Variants in MAGI2 observed in about 807,000 individuals in gnomAD.
MAGI2 encodes the protein membrane-associated guanylate kinase, WW and PDZ domain-containing protein 2.
In MAGI2, 35 loss-of-function variants were observed where a neutral mutation model predicts 133.3. That is an observed-to-expected ratio of 0.26 (90% confidence interval 0.20 to 0.35). The LOEUF (loss-of-function observed/expected upper bound fraction) is 0.35. Among genes scored for constraint, MAGI2 ranks in the 10% least tolerant of loss-of-function variants. The pLI is 1.00. For missense variants in MAGI2, 1,636 were observed against 1,863.4 expected, an observed-to-expected ratio of 0.88 and a Z score of 2.25; for synonymous variants, 729 against 710.6, an observed-to-expected ratio of 1.03 and a Z score of -0.41.
At chr7:78,734,952 T>C (rs1232662534) in intron 2 of MAGI2, among the ~76,000 whole-genome samples, 1 of 152,158 alleles carries the variant, frequency 6.6e-6, no homozygotes, top group Non-Finnish European at 1.5e-5. Context: ...TTTTTGTGAT[T>C]GTCTGTTACA....
chr7:78,513,126 T>A (rs532818103), intron 4 of MAGI2, among the ~76,000 whole-genome samples: 1 of 151,520 alleles, frequency 6.6e-6, no homozygotes, highest in Admixed American at 6.6e-5. Context: ...TGCCTTCAAT[T>A]TTTTTTTTAA....
intron 3 of MAGI2, among the ~76,000 whole-genome samples, chr7:78,599,606 C>T (rs887271087): frequency 1.1e-4 from 17 of 152,158 alleles, no homozygotes; most frequent in African/African-American, 4.1e-4. Flanking sequence ...GTATCTCTTT[C>T]ACTCTACTCT....
intron 2 of MAGI2, among the ~76,000 whole-genome samples, chr7:78,648,437 A>T (rs538865402): frequency 6.6e-6 from 1 of 152,348 alleles, no homozygotes; most frequent in African/African-American, 2.4e-5. Flanking sequence ...CCAAAGATAC[A>T]ACAGCTGAAA....
intron 1 of MAGI2, among the ~76,000 whole-genome samples, chr7:79,435,825 A>G (rs1011847774): frequency 9.2e-5 from 14 of 152,192 alleles, no homozygotes; most frequent in Non-Finnish European, 1.5e-4. Context: ...AGCCAAAAGA[A>G]CAAAGCCAGA....
rs189312979 is a variant in MAGI2, at chr7:78,836,290, G to C, written c.418+170800C>G. Among the ~76,000 whole-genome samples the C allele has an allele frequency of 2.9e-4, 44 of 152,226 alleles. No homozygotes were observed. The East Asian group carries it at 7.5e-3, about 26-fold the overall frequency. ...AGGAGACAAGGTAGTTCAAAAAGTT[G>C]GACTTGAACTGGGTTTTTAAACTCT... On this transcript the variant is annotated intron_variant, in intron 2 of 21. Coordinates refer to ENST00000354212, the MANE Select transcript of MAGI2 (RefSeq NM_012301.4).
chr7:78,934,683 G>C (rs1344602022), intron 2 of MAGI2, among the ~76,000 whole-genome samples: 1 of 152,062 alleles, frequency 6.6e-6, no homozygotes, highest in Non-Finnish European at 1.5e-5. Context: ...TGAATTTTGT[G>C]TTTAGATTTG....
chr7:79,138,399 A>G (rs141792761), intron 1 of MAGI2, among the ~76,000 whole-genome samples: 1 of 152,288 alleles, frequency 6.6e-6, no homozygotes, highest in East Asian at 1.9e-4. Context: ...TAACTACCCA[A>G]TGTTCCAGTC....
chr7:78,820,432 C>T (rs1028987477), intron 2 of MAGI2, among the ~76,000 whole-genome samples: 1 of 151,732 alleles, frequency 6.6e-6, no homozygotes, highest in Admixed American at 6.6e-5. Context: ...AACGGAGAGA[C>T]ATAGTCATAA....
intron 2 of MAGI2, among the ~76,000 whole-genome samples, chr7:78,919,437 T>C (rs1799060173): frequency 6.6e-6 from 1 of 152,124 alleles, no homozygotes; most frequent in African/African-American, 2.4e-5. Flanking sequence ...ATACAATGCT[T>C]TGCTATCAAT....
chr7:78,606,382 G>A (rs995036550), intron 3 of MAGI2, among the ~76,000 whole-genome samples: 1 of 151,976 alleles, frequency 6.6e-6, no homozygotes, highest in Non-Finnish European at 1.5e-5. Flanking sequence ...GCATATGATG[G>A]CCTACTTTTG....
At chr7:79,398,594 G>A (rs1251574140) in intron 1 of MAGI2, among the ~76,000 whole-genome samples, 3 of 152,164 alleles carry the variant, frequency 2.0e-5, no homozygotes, top group African/African-American at 7.2e-5. Context: ...ATTTGGACAG[G>A]AAGTTGTTTT....
chr7:78,220,453 C>T (rs182188872), intron 10 of MAGI2, among the ~76,000 whole-genome samples: 15 of 152,288 alleles, frequency 9.8e-5, no homozygotes, highest in African/African-American at 3.6e-4. Context: ...AGGGCAGGGG[C>T]AACATCCTGT....
At position 79,275,471 on chromosome 7, in the gene MAGI2, G is replaced by A. The variant is rs190193488; in HGVS notation, c.301+177549C>T. 3.1e-3 allele frequency among the ~76,000 whole-genome samples: 478 copies of A among 152,288 alleles called. 7 individuals are homozygous for A. Among genetic ancestry groups the A allele is most frequent in the Non-Finnish European group, 3.5e-3 (239 of 68,020 alleles). On this transcript the variant is annotated intron_variant, in intron 1 of 21. Transcript: ENST00000354212. ...AAAAGTTAGAAGCTAACAGAGTTTG[G>A]TCCATGAAGTTTAAGGATGTAAACC...
At chr7:78,038,017 C>T (rs1810413166) in intron 21 of MAGI2, among the ~76,000 whole-genome samples, 1 of 152,200 alleles carries the variant, frequency 6.6e-6, no homozygotes, top group Admixed American at 6.5e-5. Context: ...CTCAGAGAGG[C>T]CTCTCTTCCC....
intron 1 of MAGI2, among the ~76,000 whole-genome samples, chr7:79,115,837 A>C (rs1819341896): frequency 7.2e-6 from 1 of 138,840 alleles, no homozygotes; most frequent in Non-Finnish European, 1.5e-5. Context: ...TCTCTGAATT[A>C]TTCTAAATGT....
chr7:78,573,273 A>AATATAAATATATATAAAT (rs1801829012), intron 3 of MAGI2, among the ~76,000 whole-genome samples: 6 of 51,682 alleles, frequency 1.2e-4, no homozygotes, highest in South Asian at 1.2e-3. Flanking sequence ...AATATATATA[A>AATATAAATATATATAAAT]ATATATATAT....
intron 20 of MAGI2, among the ~76,000 whole-genome samples, chr7:78,115,941 G>T (rs1583979293): frequency 1.3e-5 from 2 of 152,186 alleles, no homozygotes; most frequent in Admixed American, 6.5e-5. Context: ...CTATAAAATA[G>T]CTGAATAGTT....
intron 2 of MAGI2, among the ~76,000 whole-genome samples, chr7:78,824,384 C>T (rs760668232): frequency 9.9e-5 from 15 of 152,152 alleles, no homozygotes; most frequent in Admixed American, 3.3e-4. Context: ...CTAATTTATA[C>T]TCCCACCAAC....
At chr7:79,319,049 AG>A (rs1838970224) in intron 1 of MAGI2, among the ~76,000 whole-genome samples, 1 of 152,194 alleles carries the variant, frequency 6.6e-6, no homozygotes, top group Non-Finnish European at 1.5e-5. Context: ...TCTTAAAGCG[AG>A]ATGTGAATCT....
Sources: allele counts gnomAD v4.1 joint callset (sites outside exome capture counted in the v4.1 genomes callset), GRCh38; gene constraint gnomAD v4.1.1; transcripts MANE v1.5; gene names NCBI Gene and HGNC (gene_info 2026-07-23, HGNC 2026-07-21).